SPHKAP: variants seen among roughly 807,000 people sequenced by gnomAD.
SPHKAP encodes A-kinase anchor protein SPHKAP.
In SPHKAP, 67 loss-of-function variants were observed where a neutral mutation model predicts 137.5. The ratio of observed to expected loss-of-function variants is 0.49; its 90% CI spans 0.40 to 0.60. The LOEUF is 0.60. Among genes scored for constraint, SPHKAP ranks in the 20% least tolerant of loss-of-function variants. The pLI is 0.00. For missense variants in SPHKAP, 2,097 were observed against 2,069.3 expected (o/e 1.01, Z -0.26); for synonymous variants, 813 against 785.3 (o/e 1.04, Z -0.59).
intron 2 of SPHKAP, among the ~76,000 whole-genome samples, chr2:228,119,280 T>C (rs570220692): frequency 6.6e-6 from 1 of 152,308 alleles, no homozygotes; most frequent in Non-Finnish European, 1.5e-5. Context: ...AAAGAATCTT[T>C]TATCCTTCAT....
intron 3 of SPHKAP, among the ~76,000 whole-genome samples, chr2:228,034,657 C>A (rs370517504): frequency 2.6e-5 from 4 of 152,150 alleles, no homozygotes; most frequent in Non-Finnish European, 4.4e-5. Flanking sequence ...CCGAATCCAG[C>A]AGCACATCAA....
chr2:228,030,930 C>G (rs1031665477), intron 3 of SPHKAP, among the ~76,000 whole-genome samples: 1 of 152,152 alleles, frequency 6.6e-6, no homozygotes, highest in Non-Finnish European at 1.5e-5. Flanking sequence ...AGGAACAGCT[C>G]TGGTCTACAG....
chr2:228,040,617 C>T (rs755799208), intron 3 of SPHKAP, among the ~76,000 whole-genome samples: 4 of 152,062 alleles, frequency 2.6e-5, no homozygotes, highest in Middle Eastern at 3.4e-3. Flanking sequence ...AACTGCAATT[C>T]TGGGGGAAGC....
At chr2:228,117,942 T>A (rs982379406) in intron 2 of SPHKAP, among the ~76,000 whole-genome samples, 9 of 151,618 alleles carry the variant, frequency 5.9e-5, no homozygotes, top group African/African-American at 2.2e-4. Flanking sequence ...AGGGAAAAAA[T>A]TGTGACATAC....
At chr2:228,077,389 G>A (rs1320665213) in intron 3 of SPHKAP, among the ~76,000 whole-genome samples, 1 of 152,176 alleles carries the variant, frequency 6.6e-6, no homozygotes, top group African/African-American at 2.4e-5. Context: ...CAGCCAGGAG[G>A]GAGGCTGTAC....
intron 3 of SPHKAP, among the ~76,000 whole-genome samples, chr2:228,072,907 G>A (rs964433450): frequency 6.6e-6 from 1 of 152,220 alleles, no homozygotes; most frequent in Non-Finnish European, 1.5e-5. Context: ...GCCAGGCTTT[G>A]AGTCTTCCAG....
chr2:228,028,135 C>G lies in SPHKAP; in HGVS notation c.247-592G>C, dbSNP rs552012574. On this transcript the variant is annotated intron_variant, in intron 3 of 11. Transcript: ENST00000392056. ...TGTATTAGAGCCAATAGAACAGTTA[C>G]AACAAAATCTTCAAGTTTATAAGGT... 4.2e-4 allele frequency: 347 copies of G among 836,104 alleles called. 2 individuals carry two copies. The African/African-American group carries it at 5.7e-3, about 14-fold the overall frequency. The allele number at this position is 836,104 out of a possible 1,614,324, so 51.8% of individuals were successfully genotyped here.
At chr2:228,004,654 G>A (rs1694057418) in intron 7 of SPHKAP, among the ~76,000 whole-genome samples, 1 of 152,110 alleles carries the variant, frequency 6.6e-6, no homozygotes, top group Non-Finnish European at 1.5e-5. Context: ...ATGTTAGGGT[G>A]TCAATTTTAG....
chr2:228,156,638 T>C (rs572680053), intron 1 of SPHKAP, among the ~76,000 whole-genome samples: 1 of 152,336 alleles, frequency 6.6e-6, no homozygotes, highest in African/African-American at 2.4e-5. Flanking sequence ...TTTGGCTGTG[T>C]CCCCACCCAA....
chr2:228,104,426 G>A (rs1196151524), intron 3 of SPHKAP, among the ~76,000 whole-genome samples: 1 of 147,128 alleles, frequency 6.8e-6, no homozygotes, highest in African/African-American at 2.5e-5. Flanking sequence ...ATAATATATT[G>A]TAATATTTCT....
At chr2:228,105,070 G>A (rs189783906) in intron 3 of SPHKAP, among the ~76,000 whole-genome samples, 31 of 152,258 alleles carry the variant, frequency 2.0e-4, no homozygotes, top group African/African-American at 7.0e-4. Flanking sequence ...TTGAACTCAA[G>A]CAATCCTTCT....
intron 7 of SPHKAP, among the ~76,000 whole-genome samples, chr2:228,003,436 T>C (rs1441910599): frequency 6.6e-6 from 1 of 152,234 alleles, no homozygotes; most frequent in African/African-American, 2.4e-5. Flanking sequence ...TTTGCTGAAG[T>C]TGCTTATCAG....
chr2:228,035,518 T>C (rs1393058799), intron 3 of SPHKAP, among the ~76,000 whole-genome samples: 1 of 152,002 alleles, frequency 6.6e-6, no homozygotes, highest in Non-Finnish European at 1.5e-5. Context: ...CTTCACAGAA[T>C]TGGAAAAAAC....
chr2:228,117,714 C>A (rs6753853), intron 2 of SPHKAP, among the ~76,000 whole-genome samples: 45,543 of 151,802 alleles, frequency 0.3, 7,759 homozygotes, highest in East Asian at 0.5. Flanking sequence ...TAACCAGCAG[C>A]CGAATCAAGA....
rs565964649 is a variant in SPHKAP at position 228,004,284 on chromosome 2, T to A, written c.4449-8590A>T. 7.5e-4 allele frequency among the ~76,000 whole-genome samples: 114 copies of A among 152,328 alleles called. 1 individual carries two copies. Among genetic ancestry groups the A allele is most frequent in the Admixed American group, 2.7e-3 (42 of 15,294 alleles). ...GAGATTCAACTTCTTCCTGGTTTAG[T>A]CTTGAGAGGGTGTATGTGTTGAGGA... On this transcript the variant is annotated intron_variant, in intron 7 of 11. Transcript: ENST00000392056.
chr2:228,134,288 A>G (rs1699367374), intron 1 of SPHKAP, among the ~76,000 whole-genome samples: 1 of 150,102 alleles, frequency 6.7e-6, no homozygotes, highest in African/African-American at 2.4e-5. Flanking sequence ...AAAGAAACAG[A>G]GGAAGAAAGC....
At chr2:228,104,231 T>TTATATCATTATATTATATATTATA (rs1469976408) in intron 3 of SPHKAP, among the ~76,000 whole-genome samples, 3 of 104,212 alleles carry the variant, frequency 2.9e-5, no homozygotes, top group Non-Finnish European at 4.2e-5. Context: ...ATATTATATG[T>TTATATCATTATATTATATATTATA]TATATCATTA....
At chr2:228,023,237 G>T (rs899046873) in intron 5 of SPHKAP, among the ~76,000 whole-genome samples, 2 of 152,080 alleles carry the variant, frequency 1.3e-5, no homozygotes, top group Non-Finnish European at 2.9e-5. Context: ...AATCCCCTGG[G>T]GGCTCAAAAA....
intron 3 of SPHKAP, among the ~76,000 whole-genome samples, chr2:228,106,134 G>C (rs1275086992): frequency 6.6e-6 from 1 of 152,090 alleles, no homozygotes; most frequent in Non-Finnish European, 1.5e-5. Context: ...ACAAACAGGG[G>C]TACTGAAATA....
Sources: gnomAD v4.1 joint callset for allele counts (sites outside exome capture counted in the v4.1 genomes callset) on GRCh38, gnomAD v4.1.1 for gene constraint, MANE v1.5 for transcripts, NCBI Gene and HGNC (gene_info 2026-07-23, HGNC 2026-07-21) for gene names.